ALK: variants seen among roughly 807,000 people sequenced by gnomAD.
The protein encoded by ALK is ALK tyrosine kinase receptor.
Under a neutral mutation model 163.1 loss-of-function variants are expected in ALK, and 74 were observed. That is an observed-to-expected ratio of 0.45 (90% CI 0.38 to 0.55). The LOEUF is 0.55. ALK is among the 20% of genes least tolerant of loss of function. ALK has a pLI of 0.00. For missense variants in ALK, 2,063 were observed against 2,105.3 expected (o/e 0.98, Z 0.39); for synonymous variants, 960 against 843.2 (o/e 1.14, Z -2.40).
chr2:29,813,020 C>G (rs1433626175), intron 1 of ALK, among the ~76,000 whole-genome samples: 1 of 152,178 alleles, frequency 6.6e-6, no homozygotes, highest in Non-Finnish European at 1.5e-5. Context: ...AAACCAGGAC[C>G]TGGGTATGAC....
chr2:29,337,015 A>G (rs1480022260), intron 5 of ALK, among the ~76,000 whole-genome samples: 1 of 152,166 alleles, frequency 6.6e-6, no homozygotes, highest in African/African-American at 2.4e-5. Context: ...GGACTGGGCC[A>G]TGATCTGGAC....
chr2:29,557,677 G>A (rs1673900481), intron 3 of ALK, among the ~76,000 whole-genome samples: 1 of 152,106 alleles, frequency 6.6e-6, no homozygotes, highest in Non-Finnish European at 1.5e-5. Context: ...AGTGGGGTGG[G>A]GGATGTATAA....
intron 8 of ALK, among the ~76,000 whole-genome samples, chr2:29,300,266 T>C (rs4665454): frequency 0.97 from 147,081 of 152,186 alleles, 71,323 homozygotes; most frequent in East Asian, 1. Context: ...TGCACATACC[T>C]GGCCGGGCAC....
At chr2:29,395,803 A>G (rs1433790318) in intron 4 of ALK, among the ~76,000 whole-genome samples, 2 of 152,180 alleles carry the variant, frequency 1.3e-5, no homozygotes, top group East Asian at 1.9e-4. Flanking sequence ...GAAGAATCCA[A>G]CAGCCAGGCC....
intron 4 of ALK, among the ~76,000 whole-genome samples, chr2:29,529,201 C>A (rs1249451667): frequency 1.3e-5 from 2 of 152,210 alleles, no homozygotes; most frequent in Non-Finnish European, 2.9e-5. Context: ...TTGGTGGCGT[C>A]TGACTTGTCA....
At chr2:29,771,736 G>T (rs564653857) in intron 1 of ALK, among the ~76,000 whole-genome samples, 1 of 151,974 alleles carries the variant, frequency 6.6e-6, no homozygotes. Context: ...GGGTTTCACC[G>T]TGTTAGCCAG....
intron 1 of ALK, among the ~76,000 whole-genome samples, chr2:29,820,333 T>C (rs530101039): frequency 6.6e-5 from 10 of 152,302 alleles, no homozygotes; most frequent in East Asian, 1.9e-4. Flanking sequence ...TCCAGCTCCA[T>C]TGAAGCCCTC....
At chr2:29,851,286 C>T (rs1203419137) in intron 1 of ALK, among the ~76,000 whole-genome samples, 5 of 152,156 alleles carry the variant, frequency 3.3e-5, no homozygotes, top group East Asian at 3.9e-4. Flanking sequence ...ATCTTTTCCC[C>T]GGTTTACAAG....
intron 3 of ALK, among the ~76,000 whole-genome samples, chr2:29,660,685 G>GA (rs1553342634): frequency 1.1e-4 from 17 of 150,868 alleles, no homozygotes; most frequent in East Asian, 6.0e-4. Context: ...GAGAAAGGGG[G>GA]AAAAAGGGGT....
intron 1 of ALK, among the ~76,000 whole-genome samples, chr2:29,897,041 C>T (rs1667289734): frequency 6.6e-6 from 1 of 152,270 alleles, no homozygotes; most frequent in East Asian, 1.9e-4. Flanking sequence ...TAGCAGAGGC[C>T]AGGCGCGGTG....
Position 29,236,203 on chromosome 2 carries a change from G to C in ALK, c.2356-2507C>G, listed in dbSNP as rs78081481. 2.6e-5 allele frequency among the ~76,000 whole-genome samples: 4 copies of C among 152,096 alleles called. No homozygotes were observed. In the South Asian group the frequency reaches 8.3e-4, roughly 32 times the overall value. ...TGGGCTATACTTGGTGAGGCACCCC[G>C]CCTCCCTGGACTTGCCTCCTCATCT... is the stretch of plus-strand genomic sequence containing the variant. On this transcript the variant is annotated intron_variant, in intron 13 of 28. Coordinates refer to ENST00000389048, the MANE Select transcript of ALK (RefSeq NM_004304.5).
chr2:29,888,403 C>T (rs993066007), intron 1 of ALK, among the ~76,000 whole-genome samples: 1 of 152,078 alleles, frequency 6.6e-6, no homozygotes, highest in African/African-American at 2.4e-5. Flanking sequence ...ATGGTGATGT[C>T]TAGATTAATT....
intron 3 of ALK, among the ~76,000 whole-genome samples, chr2:29,647,219 G>A (rs1676902031): frequency 6.6e-6 from 1 of 152,146 alleles, no homozygotes; most frequent in Non-Finnish European, 1.5e-5. Flanking sequence ...CTGTATTGTG[G>A]CATGTAAGGC....
At chr2:29,912,430 G>A (rs971839317) in intron 1 of ALK, among the ~76,000 whole-genome samples, 3 of 152,036 alleles carry the variant, frequency 2.0e-5, no homozygotes, top group African/African-American at 7.2e-5. Context: ...GTTAAAGTGT[G>A]GAAAGAAAGG....
intron 3 of ALK, among the ~76,000 whole-genome samples, chr2:29,579,033 G>A (rs758238191): frequency 6.6e-6 from 1 of 152,342 alleles, no homozygotes; most frequent in East Asian, 1.9e-4. Context: ...AGAAGTACTA[G>A]CTATCTGCAC....
intron 4 of ALK, among the ~76,000 whole-genome samples, chr2:29,430,310 C>A (rs534861394): frequency 6.6e-6 from 1 of 152,130 alleles, no homozygotes; most frequent in Non-Finnish European, 1.5e-5. Context: ...TCTGATGAGA[C>A]TTGTATCTAG....
chr2:29,499,603 C>T (rs974436064), intron 4 of ALK, among the ~76,000 whole-genome samples: 5 of 152,158 alleles, frequency 3.3e-5, no homozygotes, highest in Non-Finnish European at 5.9e-5. Flanking sequence ...TAGACCCTCT[C>T]GCCTCCCTCC....
intron 5 of ALK, among the ~76,000 whole-genome samples, chr2:29,381,294 G>A (rs976738422): frequency 3.3e-5 from 5 of 152,252 alleles, no homozygotes; most frequent in Non-Finnish European, 7.3e-5. Context: ...TGCGCATGGC[G>A]AGTGCTCTGT....
At chr2:29,390,459 T>A (rs1669138562) in intron 4 of ALK, among the ~76,000 whole-genome samples, 1 of 152,166 alleles carries the variant, frequency 6.6e-6, no homozygotes, top group Non-Finnish European at 1.5e-5. Flanking sequence ...CCTCCACATG[T>A]GTCTTTGCTA....
Sources: allele counts gnomAD v4.1 joint callset (sites outside exome capture counted in the v4.1 genomes callset), GRCh38; gene constraint gnomAD v4.1.1; transcripts MANE v1.5; gene names NCBI Gene and HGNC (gene_info 2026-07-23, HGNC 2026-07-21).